ZFHX3: variants seen among roughly 807,000 people sequenced by gnomAD.
ZFHX3 encodes zinc finger homeobox protein 3.
In ZFHX3, 42 loss-of-function variants were observed where a neutral mutation model predicts 279.1. That is an observed-to-expected ratio of 0.15 (90% CI 0.12 to 0.19). ZFHX3 has a LOEUF of 0.19. Among genes scored for constraint, ZFHX3 ranks in the 10% least tolerant of loss-of-function variants. The pLI, the probability that ZFHX3 is intolerant of heterozygous loss-of-function variation, is 1.00. For synonymous variants in ZFHX3, 2,293 were observed against 1,957.8 expected, an observed-to-expected ratio of 1.17 and a Z score of -4.52; for missense variants, 4,981 against 4,754.0, an observed-to-expected ratio of 1.05 and a Z score of -1.40.
intron 2 of ZFHX3, among the ~76,000 whole-genome samples, chr16:73,600,462 G>A (rs2052100775): frequency 6.9e-6 from 1 of 145,474 alleles, no homozygotes; most frequent in Non-Finnish European, 1.5e-5. Context: ...CTGTCACCCA[G>A]GCTGGAGTGC....
At chr16:73,415,447 C>G (rs2017552039) in intron 3 of ZFHX3, among the ~76,000 whole-genome samples, 1 of 152,136 alleles carries the variant, frequency 6.6e-6, no homozygotes, top group Non-Finnish European at 1.5e-5. Context: ...AGTAATGAAA[C>G]AGATGGTGGA....
intron 4 of ZFHX3, among the ~76,000 whole-genome samples, chr16:72,849,185 G>C (rs2037551655): frequency 6.6e-6 from 1 of 152,144 alleles, no homozygotes; most frequent in Non-Finnish European, 1.5e-5. Context: ...AGTGTCCCTG[G>C]GGACAGTGTG....
At chr16:73,351,732 C>G (rs1461373538) in intron 3 of ZFHX3, among the ~76,000 whole-genome samples, 1 of 152,186 alleles carries the variant, frequency 6.6e-6, no homozygotes, top group Non-Finnish European at 1.5e-5. Context: ...TTCCTTTCTT[C>G]AAAGCCTTCT....
intron 1 of ZFHX3, among the ~76,000 whole-genome samples, chr16:73,029,393 A>G (rs1827718438): frequency 2.0e-5 from 3 of 152,196 alleles, no homozygotes; most frequent in Non-Finnish European, 4.4e-5. Flanking sequence ...TCCTTCTACT[A>G]AAGGGGACAC....
intron 4 of ZFHX3, among the ~76,000 whole-genome samples, chr16:73,264,107 C>T (rs1052383007): frequency 6.6e-6 from 1 of 152,146 alleles, no homozygotes; most frequent in Non-Finnish European, 1.5e-5. Flanking sequence ...GCAGGGGCTG[C>T]AGTGAGCTGA....
At chr16:73,756,738 A>G (rs1245107181) in intron 1 of ZFHX3, among the ~76,000 whole-genome samples, 2 of 69,342 alleles carry the variant, frequency 2.9e-5, no homozygotes, top group Non-Finnish European at 5.5e-5. Context: ...CCCCGCTCCT[A>G]ACATCAGGAA....
intron 1 of ZFHX3, among the ~76,000 whole-genome samples, chr16:73,763,921 G>A (rs368004): frequency 1.8e-4 from 24 of 134,956 alleles, no homozygotes; most frequent in Admixed American, 6.4e-4. Flanking sequence ...CCAGGGGCAG[G>A]GGGTGGGAGG....
intron 2 of ZFHX3, among the ~76,000 whole-genome samples, chr16:73,635,877 T>C (rs550035263): frequency 6.6e-6 from 1 of 152,388 alleles, no homozygotes; most frequent in South Asian, 2.1e-4. Context: ...TTGTTTATGT[T>C]GGCATCTCTG....
intron 5 of ZFHX3, among the ~76,000 whole-genome samples, chr16:73,167,543 A>G (rs1967403484): frequency 6.6e-6 from 1 of 152,226 alleles, no homozygotes; most frequent in Non-Finnish European, 1.5e-5. Flanking sequence ...ATGCTGTGAA[A>G]TAGAAAAAAA....
At chr16:73,163,965 A>T (rs971529990) in intron 5 of ZFHX3, among the ~76,000 whole-genome samples, 1 of 152,010 alleles carries the variant, frequency 6.6e-6, no homozygotes, top group African/African-American at 2.4e-5. Context: ...GTAGTAAATT[A>T]CCCCAGTTTG....
At position 72,796,010 on chromosome 16, in the gene ZFHX3, A is replaced by G; in HGVS notation, c.6672T>C (p.Ile2224=). 6.2e-7 allele frequency: 1 copy of G among 1,614,134 alleles called. No homozygotes were observed. Among genetic ancestry groups the G allele is most frequent in the South Asian group, 1.1e-5 (1 of 91,066 alleles). ...GTTCCGGCGAAGGGGGCCGGGAGTCAATCTTGAGCTCCTCCAGGCTGGTGA... is the reference window on the plus strand; with the variant it reads ...GTTCCGGCGAAGGGGGCCGGGAGTCGATCTTGAGCTCCTCCAGGCTGGTGA... The part of the protein sequence containing the change: ...PPITSLEELK[I]DSRPPSPEPP... Residue 2224 remains isoleucine, a synonymous_variant, in exon 9 of 10, where the codon ATT becomes ATC. Transcript: ENST00000268489.
chr16:73,300,628 C>T (rs546545775), intron 4 of ZFHX3, among the ~76,000 whole-genome samples: 11 of 152,330 alleles, frequency 7.2e-5, no homozygotes, highest in Admixed American at 3.3e-4. Flanking sequence ...CTCAGCCTCC[C>T]GCGAAGCTGG....
chr16:73,341,258 T>C (rs910391202), intron 3 of ZFHX3, among the ~76,000 whole-genome samples: 7 of 152,112 alleles, frequency 4.6e-5, no homozygotes, highest in African/African-American at 1.7e-4. Context: ...GGAGAATTGT[T>C]TGAGCCTGGG....
At chr16:73,449,160 G>A (rs766497256) in intron 3 of ZFHX3, among the ~76,000 whole-genome samples, 5 of 152,122 alleles carry the variant, frequency 3.3e-5, no homozygotes, top group Non-Finnish European at 2.9e-5. Context: ...AATGGACAAA[G>A]GTCTAACACA....
At chr16:73,243,333 C>T (rs1430149823) in intron 5 of ZFHX3, among the ~76,000 whole-genome samples, 1 of 152,204 alleles carries the variant, frequency 6.6e-6, no homozygotes, top group Non-Finnish European at 1.5e-5. Flanking sequence ...CTGGAGGCAA[C>T]AGGCAAATTC....
intron 5 of ZFHX3, among the ~76,000 whole-genome samples, chr16:73,213,787 G>A (rs1004024869): frequency 2.6e-5 from 4 of 152,020 alleles, no homozygotes; most frequent in Non-Finnish European, 4.4e-5. Flanking sequence ...TTATGGGCCC[G>A]GGTCCCATTT....
chr16:73,767,910 G>T (rs2053969830), intron 1 of ZFHX3, among the ~76,000 whole-genome samples: 2 of 152,186 alleles, frequency 1.3e-5, no homozygotes, highest in South Asian at 4.1e-4. Context: ...AATTGCAAAG[G>T]TGAGGCAGAG....
intron 1 of ZFHX3, among the ~76,000 whole-genome samples, chr16:73,762,827 A>T (rs113243316): frequency 1.3e-5 from 2 of 152,054 alleles, no homozygotes; most frequent in African/African-American, 4.8e-5. Context: ...GGCCTGATGG[A>T]GTGGAGCAGA....
At chr16:73,089,896 C>CT (rs1218287007) in intron 8 of ZFHX3, among the ~76,000 whole-genome samples, 2 of 152,222 alleles carry the variant, frequency 1.3e-5, no homozygotes, top group Non-Finnish European at 2.9e-5. Flanking sequence ...TGCTTTAAGG[C>CT]TAGTGGCCCC....
Sources: gnomAD v4.1 joint callset for allele counts (sites outside exome capture counted in the v4.1 genomes callset) on GRCh38, gnomAD v4.1.1 for gene constraint, MANE v1.5 for transcripts, NCBI Gene and HGNC (gene_info 2026-07-23, HGNC 2026-07-21) for gene names.